Variants in WWOX observed in about 807,000 individuals in gnomAD.
WWOX encodes the protein WW domain-containing oxidoreductase.
Under a neutral mutation model 46.2 loss-of-function variants are expected in WWOX, and 69 were observed. That is an observed-to-expected ratio of 1.49 (90% confidence interval 1.23 to 1.82). The LOEUF is 1.82. WWOX is among the 40% of genes most tolerant of loss of function. The pLI is 0.00. For synonymous variants in WWOX, 359 were observed against 202.6 expected, an observed-to-expected ratio of 1.77 and a Z score of -6.56; for missense variants, 919 against 542.6, an observed-to-expected ratio of 1.69 and a Z score of -6.89.
At chr16:78,753,676 C>G (rs1182251410) in intron 8 of WWOX, among the ~76,000 whole-genome samples, 1 of 150,878 alleles carries the variant, frequency 6.6e-6, no homozygotes, top group African/African-American at 2.4e-5. Flanking sequence ...GTGGTATGTA[C>G]CTGTAGTCCC....
chr16:78,391,536 G>T (rs189900967), intron 6 of WWOX, among the ~76,000 whole-genome samples: 2 of 152,290 alleles, frequency 1.3e-5, no homozygotes, highest in Admixed American at 1.3e-4. Flanking sequence ...TTCTGTATTG[G>T]TTATGTATTG....
intron 7 of WWOX, among the ~76,000 whole-genome samples, chr16:78,429,424 A>G (rs1348564695): frequency 6.6e-6 from 1 of 152,188 alleles, no homozygotes; most frequent in African/African-American, 2.4e-5. Context: ...AATCACCATG[A>G]TATCCAGCTG....
At chr16:78,440,900 C>T (rs994411013) in intron 8 of WWOX, among the ~76,000 whole-genome samples, 1 of 152,152 alleles carries the variant, frequency 6.6e-6, no homozygotes, top group Non-Finnish European at 1.5e-5. Context: ...GGATTCCAGG[C>T]ATGAGCCACT....
At chr16:79,193,666 C>T (rs1265140645) in intron 8 of WWOX, among the ~76,000 whole-genome samples, 1 of 152,144 alleles carries the variant, frequency 6.6e-6, no homozygotes, top group African/African-American at 2.4e-5. Context: ...CTGCCGGTCA[C>T]CTAGCCAGCA....
intron 5 of WWOX, among the ~76,000 whole-genome samples, chr16:78,366,061 G>T (rs4888792): frequency 0.078 from 11,895 of 152,170 alleles, 886 homozygotes; most frequent in East Asian, 0.23. Context: ...CGGCCCATTG[G>T]AAAATGTCTG....
rs371544734 is a variant in WWOX at position 78,872,449 on chromosome 16, G to T, written c.1057-339159G>T. Among the ~76,000 whole-genome samples, 4 of 152,324 alleles carry T rather than the reference G, an allele frequency of 2.6e-5. No homozygotes were observed. In the East Asian group the frequency reaches 5.8e-4, roughly 22 times the overall value. On this transcript the variant is annotated intron_variant, in intron 8 of 8. Transcript: ENST00000566780. ...TTAAAGGAAAGAAATGCCAGGCTGAGAGATGAGACAGTGAATTACAGTGGG... is the reference window on the plus strand; with the variant it reads ...TTAAAGGAAAGAAATGCCAGGCTGATAGATGAGACAGTGAATTACAGTGGG...
At chr16:78,819,929 T>C (rs1738089094) in intron 8 of WWOX, among the ~76,000 whole-genome samples, 1 of 152,126 alleles carries the variant, frequency 6.6e-6, no homozygotes, top group Admixed American at 6.6e-5. Flanking sequence ...TATTTACTTA[T>C]TTATGTATTC....
At chr16:79,143,508 C>A (rs892105296) in intron 8 of WWOX, among the ~76,000 whole-genome samples, 1 of 152,082 alleles carries the variant, frequency 6.6e-6, no homozygotes, top group Admixed American at 6.6e-5. Context: ...CTAGGACAAA[C>A]CATTTGAGTG....
At chr16:79,091,185 C>T (rs565830223) in intron 8 of WWOX, among the ~76,000 whole-genome samples, 1 of 152,182 alleles carries the variant, frequency 6.6e-6, no homozygotes, top group African/African-American at 2.4e-5. Context: ...ATCCTTCCCC[C>T]AGACTTTTTC....
intron 8 of WWOX, among the ~76,000 whole-genome samples, chr16:78,743,254 A>C (rs1367759442): frequency 1.3e-5 from 2 of 152,150 alleles, no homozygotes; most frequent in Non-Finnish European, 2.9e-5. Flanking sequence ...GCAAGGTGAC[A>C]GTGAGGAGAT....
intron 8 of WWOX, among the ~76,000 whole-genome samples, chr16:78,794,108 T>G (rs2050678447): frequency 3.9e-5 from 6 of 152,072 alleles, no homozygotes; most frequent in Admixed American, 3.9e-4. Flanking sequence ...GGAGATGATT[T>G]GGACATGAAG....
chr16:79,159,727 A>G (rs530975764), intron 8 of WWOX, among the ~76,000 whole-genome samples: 1 of 152,308 alleles, frequency 6.6e-6, no homozygotes, highest in African/African-American at 2.4e-5. Flanking sequence ...CGCATGCTCA[A>G]TCTAGTTTTA....
intron 8 of WWOX, among the ~76,000 whole-genome samples, chr16:78,766,480 C>T (rs370416377): frequency 4.0e-4 from 61 of 152,256 alleles, no homozygotes; most frequent in African/African-American, 1.3e-3. Context: ...CCCAGCTATT[C>T]AGGCAGCTGA....
chr16:79,116,415 T>C (rs767554206), intron 8 of WWOX, among the ~76,000 whole-genome samples: 10 of 152,226 alleles, frequency 6.6e-5, no homozygotes, highest in Non-Finnish European at 1.2e-4. Context: ...TTATGGAATA[T>C]TCTAAATCCT....
intron 8 of WWOX, among the ~76,000 whole-genome samples, chr16:78,471,598 A>G (rs978305868): frequency 6.6e-6 from 1 of 152,132 alleles, no homozygotes; most frequent in Non-Finnish European, 1.5e-5. Context: ...TGCCTTTTCT[A>G]TTATTGCCCT....
intron 5 of WWOX, among the ~76,000 whole-genome samples, chr16:78,376,897 C>T (rs117445981): frequency 0.017 from 2,661 of 152,282 alleles, 45 homozygotes; most frequent in South Asian, 0.052. Context: ...CCAAGTCCAC[C>T]GTGTGGAATG....
At chr16:79,025,800 CTTGCT>C (rs2047627695) in intron 8 of WWOX, among the ~76,000 whole-genome samples, 1 of 31,508 alleles carries the variant, frequency 3.2e-5, no homozygotes, top group Non-Finnish European at 6.8e-5. Context: ...GCTTTGCTTG[CTTGCT>C]TTTTTTTTTT....
intron 8 of WWOX, among the ~76,000 whole-genome samples, chr16:79,112,521 T>C (rs1463795186): frequency 6.6e-6 from 1 of 152,144 alleles, no homozygotes; most frequent in Non-Finnish European, 1.5e-5. Flanking sequence ...CTTCAACAAA[T>C]ACTCTTCTAA....
At chr16:79,064,694 A>G (rs1693004054) in intron 8 of WWOX, among the ~76,000 whole-genome samples, 1 of 152,238 alleles carries the variant, frequency 6.6e-6, no homozygotes, top group South Asian at 2.1e-4. Context: ...TGGTGACAGT[A>G]GAGAGTCAGC....
Sources: gnomAD v4.1 joint callset for allele counts (sites outside exome capture counted in the v4.1 genomes callset) on GRCh38, gnomAD v4.1.1 for gene constraint, MANE v1.5 for transcripts, NCBI Gene and HGNC (gene_info 2026-07-23, HGNC 2026-07-21) for gene names.